Variants in KIAA1958 observed in about 807,000 individuals in gnomAD.
The protein encoded by KIAA1958 is uncharacterized protein KIAA1958.
KIAA1958 carries 14 observed loss-of-function variants against 47.2 expected under a neutral mutation model. The ratio of observed to expected loss-of-function variants is 0.30; its 90% CI spans 0.20 to 0.46. The LOEUF is 0.46. KIAA1958 is among the 20% of genes least tolerant of loss of function. The probability of loss-of-function intolerance (pLI) is 1.00; values close to 1 mark genes in which losing one functional copy is unlikely to be tolerated. For missense variants in KIAA1958, 803 were observed against 909.2 expected, an observed-to-expected ratio of 0.88 and a Z score of 1.50; for synonymous variants, 354 against 353.3, an observed-to-expected ratio of 1.00 and a Z score of -0.02.
At chr9:112,640,593 AGGCT>A (rs1836874966) in intron 2 of KIAA1958, among the ~76,000 whole-genome samples, 1 of 151,986 alleles carries the variant, frequency 6.6e-6, no homozygotes, top group African/African-American at 2.4e-5. Context: ...TGTAGACTTC[AGGCT>A]GCTGCTTTCT....
chr9:112,613,583 A>G (rs1331654805), intron 2 of KIAA1958, among the ~76,000 whole-genome samples: 2 of 152,088 alleles, frequency 1.3e-5, no homozygotes, highest in Non-Finnish European at 2.9e-5. Flanking sequence ...TGTAATAAAT[A>G]TAACAAACAT....
chr9:112,641,490 C>T (rs114850353), intron 2 of KIAA1958, among the ~76,000 whole-genome samples: 2,001 of 150,374 alleles, frequency 0.013, 41 homozygotes, highest in African/African-American at 0.046. Context: ...GGAAATTTCA[C>T]CAAGATATGT....
At chr9:112,569,398 A>G (rs7873006) in intron 1 of KIAA1958, among the ~76,000 whole-genome samples, 2 of 152,208 alleles carry the variant, frequency 1.3e-5, no homozygotes, top group Non-Finnish European at 2.9e-5. Context: ...TAGTCAGTAC[A>G]TTGCTGGCTT....
chr9:112,528,767 C>CCTCAG (rs1408429502), intron 1 of KIAA1958, among the ~76,000 whole-genome samples: 1 of 152,150 alleles, frequency 6.6e-6, no homozygotes, highest in Non-Finnish European at 1.5e-5. Flanking sequence ...GATCCGCCCA[C>CCTCAG]CTCAGCCTCC....
intron 2 of KIAA1958, among the ~76,000 whole-genome samples, chr9:112,619,485 G>A (rs1479602206): frequency 2.6e-5 from 4 of 152,066 alleles, no homozygotes; most frequent in South Asian, 2.1e-4. Flanking sequence ...CTTAATTAGA[G>A]TTTTAGCTCC....
chr9:112,500,004 C>G (rs1834107832), intron 1 of KIAA1958, among the ~76,000 whole-genome samples: 1 of 151,938 alleles, frequency 6.6e-6, no homozygotes, highest in Admixed American at 6.5e-5. Context: ...CTACATTTTT[C>G]TAATGATATG....
chr9:112,519,322 C>CT (rs1202861600), intron 1 of KIAA1958, among the ~76,000 whole-genome samples: 1 of 152,156 alleles, frequency 6.6e-6, no homozygotes, highest in Non-Finnish European at 1.5e-5. Context: ...CTTATATGAG[C>CT]TTGAAGACAA....
chr9:112,543,641 C>T (rs7868082), intron 1 of KIAA1958, among the ~76,000 whole-genome samples: 143,145 of 149,918 alleles, frequency 0.95, 68,401 homozygotes, highest in African/African-American at 0.99. Context: ...GGCATGATCT[C>T]GGCTCACCTC....
intron 2 of KIAA1958, among the ~76,000 whole-genome samples, chr9:112,583,402 A>G (rs2131182928): frequency 6.6e-6 from 1 of 152,342 alleles, no homozygotes; most frequent in Admixed American, 6.5e-5. Flanking sequence ...TGGTACAACT[A>G]CTTTGGAGAG....
chr9:112,575,180 T>C lies in KIAA1958; in HGVS notation c.1100T>C (p.Val367Ala). ...LSPSVNTEPEVSSSQQQPPVA... is the reference protein window; with the variant it reads ...LSPSVNTEPEASSSQQQPPVA... The stretch of plus-strand genomic sequence containing the variant: ...CCCTCAGTTAACACAGAGCCAGAAG[T>C]GAGCTCCAGTCAGCAGCAGCCCCCA... Residue 367 changes from valine (V) to alanine (A), a missense_variant, in exon 2 of 4, where the codon GTG (valine) becomes GCG (alanine). This residue lies in a region of KIAA1958 where 761 missense variants were observed against 829.3 expected (regional missense o/e 0.92). Transcript: ENST00000337530. 6.3e-7 allele frequency: 1 copy of C among 1,594,418 alleles called. No individual in the cohort carries two copies.
At chr9:112,504,751 TATG>T (rs957441994) in intron 1 of KIAA1958, among the ~76,000 whole-genome samples, 8 of 152,288 alleles carry the variant, frequency 5.3e-5, no homozygotes, top group South Asian at 2.1e-4. Flanking sequence ...CTATAGCAAA[TATG>T]ATGCCAATAA....
intron 1 of KIAA1958, among the ~76,000 whole-genome samples, chr9:112,539,553 T>C (rs753458546): frequency 2.6e-5 from 4 of 152,162 alleles, no homozygotes; most frequent in Non-Finnish European, 5.9e-5. Context: ...GTATAAATGC[T>C]AATGGGCAGG....
chr9:112,531,450 A>G (rs569140615), intron 1 of KIAA1958, among the ~76,000 whole-genome samples: 2 of 152,318 alleles, frequency 1.3e-5, no homozygotes, highest in African/African-American at 4.8e-5. Flanking sequence ...TACGAATAAA[A>G]GACTAGAGGG....
At chr9:112,526,235 C>T (rs1310309194) in intron 1 of KIAA1958, among the ~76,000 whole-genome samples, 2 of 126,232 alleles carry the variant, frequency 1.6e-5, no homozygotes, top group Non-Finnish European at 3.2e-5. Context: ...GCTGCTATAA[C>T]AGAATACCTT....
At chr9:112,582,818 T>G (rs899908015) in intron 2 of KIAA1958, among the ~76,000 whole-genome samples, 1 of 152,062 alleles carries the variant, frequency 6.6e-6, no homozygotes, top group Non-Finnish European at 1.5e-5. Flanking sequence ...GTTCCCATGC[T>G]TCCTATGAAG....
chr9:112,655,403 T>C lies in KIAA1958; in HGVS notation c.1345-3860T>C, dbSNP rs559930350. On this transcript the variant is annotated intron_variant, in intron 3 of 3. Transcript: ENST00000337530. Reference sequence around the variant, plus strand: ...TTAATCCATTCATCCAACAAAAACTTATGGCACTCCTCTATAAAACAAAAA... The same window carrying C: ...TTAATCCATTCATCCAACAAAAACTCATGGCACTCCTCTATAAAACAAAAA... 1.7e-4 allele frequency among the ~76,000 whole-genome samples: 26 copies of C among 152,282 alleles called. No homozygotes were observed. The South Asian group carries it at 5.4e-3, about 32-fold the overall frequency.
Position 112,522,481 on chromosome 9 carries a change from T to A in KIAA1958, c.-25+35363T>A, listed in dbSNP as rs978679164. The stretch of plus-strand genomic sequence containing the variant: ...CCTTTCACCTGAGTCACATTTTATA[T>A]CTGTCCAGTCACTGTGCTGTATAGA... On this transcript the variant is annotated intron_variant, in intron 1 of 3. Coordinates refer to ENST00000337530, the MANE Select transcript of KIAA1958 (RefSeq NM_133465.4). 3.3e-5 allele frequency among the ~76,000 whole-genome samples: 5 copies of A among 152,172 alleles called. No homozygotes were observed. The East Asian group carries it at 9.6e-4, about 29-fold the overall frequency.
chr9:112,640,613 G>A (rs1836875303), intron 2 of KIAA1958, among the ~76,000 whole-genome samples: 1 of 151,980 alleles, frequency 6.6e-6, no homozygotes, highest in South Asian at 2.1e-4. Context: ...TTTCTGTTTG[G>A]GTTCTATGTC....
At chr9:112,516,600 A>T in intron 1 of KIAA1958, among the ~76,000 whole-genome samples, 1 of 152,218 alleles carries the variant, frequency 6.6e-6, no homozygotes, top group Non-Finnish European at 1.5e-5. Context: ...AAATTGACAA[A>T]CTGATTATAA....
Sources: allele counts gnomAD v4.1 joint callset (sites outside exome capture counted in the v4.1 genomes callset), GRCh38; gene constraint gnomAD v4.1.1; regional missense constraint gnomAD v4.1.1; transcripts MANE v1.5; gene names NCBI Gene and HGNC (gene_info 2026-07-23, HGNC 2026-07-21).